Variants in KAZN observed in about 807,000 individuals in gnomAD.
KAZN encodes the protein kazrin.
In KAZN, 40 loss-of-function variants were observed where a neutral mutation model predicts 87.4. The observed-to-expected ratio is 0.46, with a 90% CI of 0.36 to 0.60. The LOEUF (loss-of-function observed/expected upper bound fraction) is 0.60. Ranked by LOEUF, KAZN falls within the 20% of genes least tolerant of loss-of-function variation. The pLI is 0.00. For missense variants in KAZN, 898 were observed against 1,073.9 expected (o/e 0.84, Z 2.29); for synonymous variants, 466 against 458.3 (o/e 1.02, Z -0.22).
rs116733419 is a variant in KAZN, at chr1:13,982,307, T to C, written c.91+88551T>C. Among the ~76,000 whole-genome samples, 612 of 152,228 alleles carry C rather than the reference T, an allele frequency of 4.0e-3. 8 individuals are homozygous for C. Among genetic ancestry groups the C allele is most frequent in the African/African-American group, 0.014 (584 of 41,548 alleles). ...AGAATGAAGCCGTGAACCCTCACGG[T>C]GAGTGTTACAGTTCTTAAGGGAGCG... On this transcript the variant is annotated intron_variant, in intron 1 of 16. Coordinates refer to the KAZN transcript ENST00000636203.
chr1:14,705,299 G>A (rs1013922793), intron 1 of KAZN, among the ~76,000 whole-genome samples: 2 of 152,164 alleles, frequency 1.3e-5, no homozygotes, highest in Non-Finnish European at 2.9e-5. Context: ...AAGGCCTTAT[G>A]TCCAAGAGAG....
chr1:14,809,982 CTT>C (rs1447940461), intron 1 of KAZN, among the ~76,000 whole-genome samples: 3 of 152,142 alleles, frequency 2.0e-5, no homozygotes, highest in Non-Finnish European at 2.9e-5. Context: ...GCTGGATACT[CTT>C]TGTTTTCGGA....
At chr1:14,875,404 T>A (rs1402471850) in intron 1 of KAZN, among the ~76,000 whole-genome samples, 1 of 150,976 alleles carries the variant, frequency 6.6e-6, no homozygotes, top group Non-Finnish European at 1.5e-5. Context: ...TGGGTTTATT[T>A]GGTTGTTGTT....
intron 1 of KAZN, among the ~76,000 whole-genome samples, chr1:14,023,924 C>T (rs1427435874): frequency 6.6e-6 from 1 of 152,166 alleles, no homozygotes; most frequent in Non-Finnish European, 1.5e-5. Flanking sequence ...GTTCACCAGA[C>T]CCAGCTTCTC....
chr1:14,620,331 A>G (rs532543786), intron 1 of KAZN, among the ~76,000 whole-genome samples: 65 of 152,376 alleles, frequency 4.3e-4, no homozygotes, highest in Admixed American at 1.4e-3. Flanking sequence ...GAGAGTATTC[A>G]ATGCGTTCAT....
chr1:14,271,384 C>T (rs1651915362), intron 2 of KAZN, among the ~76,000 whole-genome samples: 1 of 152,206 alleles, frequency 6.6e-6, no homozygotes, highest in South Asian at 2.1e-4. Flanking sequence ...GTGAAGAAGT[C>T]TCTTAGCTAC....
chr1:15,098,345 C>T (rs541814630), intron 10 of KAZN, among the ~76,000 whole-genome samples: 4 of 152,336 alleles, frequency 2.6e-5, no homozygotes, highest in Non-Finnish European at 4.4e-5. Context: ...GGGAACGTAT[C>T]GCCAAGCTGC....
chr1:14,480,810 A>G (rs1202087584), intron 2 of KAZN, among the ~76,000 whole-genome samples: 3 of 146,606 alleles, frequency 2.0e-5, no homozygotes, highest in Admixed American at 1.4e-4. Flanking sequence ...TTATTTATAT[A>G]TATTTATAAA....
At chr1:14,966,260 G>A (rs752088963) in intron 2 of KAZN, among the ~76,000 whole-genome samples, 3 of 152,034 alleles carry the variant, frequency 2.0e-5, no homozygotes, top group South Asian at 2.1e-4. Flanking sequence ...GATTACAGGC[G>A]TGAGACACCT....
intron 1 of KAZN, among the ~76,000 whole-genome samples, chr1:13,958,489 G>A (rs569122041): frequency 1.3e-4 from 19 of 150,942 alleles, no homozygotes; most frequent in African/African-American, 4.6e-4. Flanking sequence ...CAGGAGAATG[G>A]CATGAACCCG....
At chr1:14,786,108 C>G (rs1645501213) in intron 1 of KAZN, among the ~76,000 whole-genome samples, 1 of 152,204 alleles carries the variant, frequency 6.6e-6, no homozygotes, top group African/African-American at 2.4e-5. Context: ...GAATTCTTAT[C>G]ATTGTAATTA....
chr1:14,649,391 A>G (rs1465693287), intron 1 of KAZN, among the ~76,000 whole-genome samples: 1 of 152,226 alleles, frequency 6.6e-6, no homozygotes, highest in African/African-American at 2.4e-5. Flanking sequence ...GTCACACAGC[A>G]GGTAACCAGT....
At chr1:13,969,217 A>G (rs1642052132) in intron 1 of KAZN, among the ~76,000 whole-genome samples, 1 of 152,208 alleles carries the variant, frequency 6.6e-6, no homozygotes, top group South Asian at 2.1e-4. Flanking sequence ...CATATGTTAA[A>G]GTAGTAGTCC....
intron 2 of KAZN, among the ~76,000 whole-genome samples, chr1:15,001,307 CAAA>C (rs201932238): frequency 1.2e-3 from 117 of 97,798 alleles, no homozygotes; most frequent in South Asian, 2.3e-3. Flanking sequence ...ACTAAAAATA[CAAA>C]AAAAAAAAAA....
At chr1:15,026,702 C>T (rs1671197206) in intron 2 of KAZN, among the ~76,000 whole-genome samples, 1 of 130,590 alleles carries the variant, frequency 7.7e-6, no homozygotes, top group South Asian at 2.6e-4. Flanking sequence ...ATTCAACCAA[C>T]CAAGGATCGA....
chr1:14,598,193 G>C (rs936551287), upstream of KAZN, among the ~76,000 whole-genome samples: 1 of 152,138 alleles, frequency 6.6e-6, no homozygotes, highest in African/African-American at 2.4e-5. The surrounding 1 kb of genome is among the most constrained non-coding windows in gnomAD (Gnocchi z 4.2). Context: ...CCTGCGGGTG[G>C]GGGGTGGAGA....
At chr1:14,319,010 TTTTATTTATTTATTTATTTA>T (rs199695925) in intron 2 of KAZN, among the ~76,000 whole-genome samples, 176 of 136,592 alleles carry the variant, frequency 1.3e-3, no homozygotes, top group Middle Eastern at 3.7e-3. Flanking sequence ...GACCTTTTAT[TTTTATTTATTTATTTATTTA>T]TTTATTTATT....
intron 2 of KAZN, among the ~76,000 whole-genome samples, chr1:14,279,511 C>T (rs542428438): frequency 3.9e-5 from 6 of 152,334 alleles, no homozygotes; most frequent in Admixed American, 6.5e-5. Flanking sequence ...GTTAAGCAGA[C>T]ATCTCTTGTT....
At chr1:14,365,439 T>A (rs572518170) in intron 2 of KAZN, among the ~76,000 whole-genome samples, 2 of 146,334 alleles carry the variant, frequency 1.4e-5, no homozygotes, top group Non-Finnish European at 3.0e-5. Context: ...CAGCATGACC[T>A]CATCTTAATT....
Sources: gnomAD v4.1 joint callset for allele counts (sites outside exome capture counted in the v4.1 genomes callset) on GRCh38, gnomAD v4.1.1 for gene constraint, Gnocchi (gnomAD v3.1) non-coding constraint, MANE v1.5 for transcripts, NCBI Gene and HGNC (gene_info 2026-07-23, HGNC 2026-07-21) for gene names.